Variants in CASP10 observed in about 807,000 individuals in gnomAD.
The protein encoded by CASP10 is caspase 10, also known as caspase-10.
Under a neutral mutation model 48.5 loss-of-function variants are expected in CASP10, and 41 were observed. The ratio of observed to expected loss-of-function variants is 0.85; its 90% CI spans 0.66 to 1.10. CASP10 has a LOEUF of 1.10. Ranked by LOEUF, CASP10 falls within the 50% of genes least tolerant of loss-of-function variation. The probability of loss-of-function intolerance (pLI) is 0.00; values close to 1 mark genes in which losing one functional copy is unlikely to be tolerated. For synonymous variants in CASP10, 232 were observed against 238.4 expected (o/e 0.97, Z 0.25); for missense variants, 614 against 614.5 (o/e 1.00, Z 0.01).
intron 5 of CASP10, 89 bp downstream of exon 5, chr2:201,196,037 G>A: frequency 2.4e-6 from 2 of 850,096 alleles, no homozygotes; most frequent in Middle Eastern, 3.0e-4. Flanking sequence ...GAAAAAGAGA[G>A]AGAGGCCCCG....
At position 201,219,212 on chromosome 2, in the gene CASP10, G is replaced by A. The variant is rs192319559; in HGVS notation, c.*1471G>A. 5.0e-3 allele frequency: 934 copies of A among 188,624 alleles called. 6 individuals carry two copies. The highest frequency in any genetic ancestry group is 9.5e-3 in the Admixed American group (145 of 15,324). 11.7% of individuals were successfully genotyped at this position (188,624 alleles called of 1,614,324 possible). On this transcript the variant is annotated 3_prime_UTR_variant, in exon 10 of 10. Coordinates refer to ENST00000286186, the MANE Select transcript of CASP10 (RefSeq NM_032977.4). ...TTGAATCCAGGAGGCAGAGGCTGTG[G>A]TGAGCCAAGATGACACAACTGCACT...
chr2:201,195,751 C>T, intron 4 of CASP10, 91 bp from the exon 5 acceptor site: 2 of 947,310 alleles, frequency 2.1e-6, no homozygotes, highest in South Asian at 1.3e-5. Flanking sequence ...AATCTTGGCT[C>T]ACTGCAACCT....
intron 5 of CASP10, among the ~76,000 whole-genome samples, chr2:201,202,032 A>G (rs1478631158): frequency 6.6e-6 from 1 of 152,066 alleles, no homozygotes; most frequent in Non-Finnish European, 1.5e-5. Flanking sequence ...TTGTATTTTT[A>G]GTAGAGATGG....
chr2:201,185,149 T>C (rs1159080767), intron 1 of CASP10, among the ~76,000 whole-genome samples: 5 of 152,138 alleles, frequency 3.3e-5, no homozygotes, highest in African/African-American at 1.2e-4. Flanking sequence ...TGTGCCACCA[T>C]GCCCTGATAA....
Position 201,213,231 on chromosome 2 carries a change from T to C in CASP10, c.1415+3669T>C, listed in dbSNP as rs1191310475. 2.0e-5 allele frequency: 3 copies of C among 152,152 alleles called. No homozygotes were observed. The South Asian group carries it at 6.2e-4, about 31-fold the overall frequency. The allele number at this position is 152,152 out of a possible 1,614,324, so 9.4% of individuals were successfully genotyped here. On this transcript the variant is annotated intron_variant, in intron 9 of 9. Coordinates refer to ENST00000286186, the MANE Select transcript of CASP10 (RefSeq NM_032977.4). Reference sequence around the variant, plus strand: ...GCAAACTTTATCGGTAAATAAGAAGTTGCGGACTTCTATTATTAGACCACA... The same window carrying C: ...GCAAACTTTATCGGTAAATAAGAAGCTGCGGACTTCTATTATTAGACCACA...
intron 3 of CASP10, among the ~76,000 whole-genome samples, 153 bp from the exon 4 acceptor site, chr2:201,192,831 C>T (rs1164376779): frequency 3.9e-5 from 6 of 152,118 alleles, no homozygotes; most frequent in African/African-American, 1.4e-4. Context: ...TTGGTAATGC[C>T]TCTTCCCCTA....
intron 9 of CASP10, chr2:201,228,874 TTG>T: frequency 6.5e-7 from 1 of 1,532,936 alleles, no homozygotes; most frequent in Non-Finnish European, 9.0e-7. Flanking sequence ...CTCCAGGTCC[TTG>T]TGTGTGAAAA....
intron 6 of CASP10, among the ~76,000 whole-genome samples, chr2:201,205,103 C>G (rs1305879948): frequency 3.3e-5 from 5 of 152,202 alleles, no homozygotes; most frequent in Non-Finnish European, 5.9e-5. Flanking sequence ...CTGACTTTCT[C>G]TCTGTGATAG....
downstream of CASP10, among the ~76,000 whole-genome samples, chr2:201,226,017 A>T (rs1379635173): frequency 6.6e-6 from 1 of 152,186 alleles, no homozygotes; most frequent in Non-Finnish European, 1.5e-5. Flanking sequence ...CTGGGAAATG[A>T]TATCTGCCAC....
At chr2:201,212,642 A>T (rs1372070080) in intron 9 of CASP10, 1 of 152,218 alleles carries the variant, frequency 6.6e-6, no homozygotes, top group African/African-American at 2.4e-5. Context: ...TAGAAAAGAT[A>T]TAATTCCTAC....
intron 6 of CASP10, among the ~76,000 whole-genome samples, chr2:201,204,179 A>C (rs1219599404): frequency 3.3e-5 from 5 of 152,164 alleles, no homozygotes; most frequent in East Asian, 1.9e-4. Context: ...GGGAGAGAAG[A>C]AGCAAGAGGA....
Position 201,228,850 on chromosome 2 carries a change from C to CCGG in CASP10, c.1416-82_1416-80dup, listed in dbSNP as rs546694031. 26 of 1,258,002 alleles carry CCGG rather than the reference C, an allele frequency of 2.1e-5. No homozygotes were observed. In the East Asian group the frequency reaches 5.0e-4, roughly 24 times the overall value. The allele number at this position is 1,258,002 out of a possible 1,614,324, so 77.9% of individuals were successfully genotyped here. A position where few individuals can be genotyped will look rare whatever the true frequency, so the allele number is the denominator to read the frequency against. The stretch of plus-strand genomic sequence containing the variant: ...TACAGCTGCCCATAAAAAAGCTATG[C>CCGG]CGGGGTCCAGCCTCTCCAGGTCCTT... On this transcript the variant is annotated intron_variant, in intron 9 of 9. Coordinates refer to the CASP10 transcript ENST00000272879.
Position 201,217,595 on chromosome 2 carries a change from G to A in CASP10, c.1423G>A (p.Asp475Asn), listed in dbSNP as rs751696778. 6.2e-7 allele frequency: 1 copy of A among 1,613,324 alleles called. No homozygotes were observed. Among genetic ancestry groups the A allele is most frequent in the Non-Finnish European group, 8.5e-7 (1 of 1,179,234 alleles). The change falls in exon 10 of 10, where the codon GAC (aspartate) becomes AAC (asparagine). Residue 475 changes from aspartate to asparagine, a missense_variant. By Grantham distance (23) the Asp-to-Asn change is conservative. Coordinates refer to ENST00000286186, the MANE Select transcript of CASP10 (RefSeq NM_032977.4). Reference sequence around the variant, plus strand: ...TTTTCTTCTTTGTTGCAGACATGAAGACATCTTATCCATCCTCACTGCTGT... The same window carrying A: ...TTTTCTTCTTTGTTGCAGACATGAAAACATCTTATCCATCCTCACTGCTGT... ...HLKKLVPRHE[D>N]ILSILTAVND... is the part of the protein sequence containing the mutation.
intron 5 of CASP10, 32 bp from the exon 6 acceptor site, chr2:201,203,698 T>C: frequency 6.2e-7 from 1 of 1,603,682 alleles, no homozygotes; most frequent in African/African-American, 1.3e-5. Flanking sequence ...GTGAAATTCC[T>C]ATGTTTCATG....
chr2:201,215,110 G>A (rs1338612472), intron 9 of CASP10, among the ~76,000 whole-genome samples: 2 of 148,394 alleles, frequency 1.3e-5, no homozygotes, highest in African/African-American at 5.0e-5. Flanking sequence ...TTTTTTTGCT[G>A]TTGAGTTATT....
intron 3 of CASP10, among the ~76,000 whole-genome samples, chr2:201,189,739 T>C (rs1052841129): frequency 1.3e-5 from 2 of 152,218 alleles, no homozygotes; most frequent in African/African-American, 2.4e-5. Context: ...GGCTCATGCC[T>C]GTAATCCCAG....
intron 7 of CASP10, among the ~76,000 whole-genome samples, chr2:201,206,602 A>T (rs1024515592): frequency 1.4e-5 from 2 of 148,022 alleles, no homozygotes; most frequent in African/African-American, 4.9e-5. Flanking sequence ...TTAAGTGTAT[A>T]TATATATATA....
chr2:201,205,790 C>G (rs1197924238), intron 6 of CASP10, 92 bp from the exon 7 acceptor site: 3 of 806,472 alleles, frequency 3.7e-6, no homozygotes, highest in African/African-American at 3.4e-5. Context: ...TTGAGAGAAG[C>G]ATAATTCTCC....
intron 9 of CASP10, chr2:201,228,837 T>G: frequency 9.6e-7 from 1 of 1,046,058 alleles, no homozygotes; most frequent in East Asian, 2.6e-5. Context: ...CAGCTGCCCA[T>G]AAAAAAGCTA....
Sources: gnomAD v4.1 joint callset for allele counts (sites outside exome capture counted in the v4.1 genomes callset) on GRCh38, gnomAD v4.1.1 for gene constraint, MANE v1.5 for transcripts, NCBI Gene and HGNC (gene_info 2026-07-23, HGNC 2026-07-21) for gene names.